Variants in PRDM15 observed in about 807,000 individuals in gnomAD.
PRDM15 encodes the protein PR domain zinc finger protein 15.
Under a neutral mutation model 128.6 loss-of-function variants are expected in PRDM15, and 64 were observed. That is an observed-to-expected ratio of 0.50 (90% CI 0.41 to 0.61). PRDM15 has a LOEUF of 0.61. Ranked by LOEUF, PRDM15 falls within the 20% of genes least tolerant of loss-of-function variation. The pLI, the probability that PRDM15 is intolerant of heterozygous loss-of-function variation, is 0.00. For synonymous variants in PRDM15, 615 were observed against 621.8 expected, an observed-to-expected ratio of 0.99 and a Z score of 0.16; for missense variants, 1,242 against 1,569.1, an observed-to-expected ratio of 0.79 and a Z score of 3.52.
intron 21 of PRDM15, among the ~76,000 whole-genome samples, chr21:41,809,226 A>C (rs112120203): frequency 6.9e-6 from 1 of 145,094 alleles, no homozygotes; most frequent in East Asian, 2.0e-4. Context: ...GGCCTATGCA[A>C]ATTTTTTCTT....
At chr21:41,840,292 A>T (rs952514253) in intron 6 of PRDM15, among the ~76,000 whole-genome samples, 5 of 152,036 alleles carry the variant, frequency 3.3e-5, no homozygotes, top group Admixed American at 2.6e-4. Context: ...TAAAAATACA[A>T]AAAGTTAGCC....
chr21:41,810,162 G>T lies in PRDM15; in HGVS notation c.2644C>A (p.His882Asn). 1 of 1,607,648 alleles carries T rather than the reference G, an allele frequency of 6.2e-7. No homozygotes were observed. The highest frequency in any genetic ancestry group is 8.5e-7 in the Non-Finnish European group (1 of 1,178,056). ...CACAGCCACCAGCTCACCTCGGGGT[G>T]CTTGCGCCGCATGTGTCGGCTCATG... Reference protein sequence around the residue: ...ASMSRHMRRKHPEVLAVRIDD... With the variant: ...ASMSRHMRRKNPEVLAVRIDD... The change falls in exon 21 of 24, where the codon CAC becomes AAC. Residue 882 changes from histidine to asparagine, a missense_variant. Coordinates refer to ENST00000398548, the MANE Select transcript of PRDM15 (RefSeq NM_001040424.3). This position sits in a 1 kb window ranked among gnomAD's most constrained non-coding sequence, Gnocchi z 6.4.
rs1051782290 is a variant in PRDM15, at chr21:41,823,622, C to T, written c.1630-173G>A. ...GAGAGACACAAATAATCACTGATGC[C>T]GGAATAAGGGTTACTTGCTGAATTG... is the stretch of plus-strand genomic sequence containing the variant. On this transcript the variant is annotated intron_variant, in intron 13 of 23. Transcript: ENST00000398548. 4.6e-5 allele frequency among the ~76,000 whole-genome samples: 7 copies of T among 152,258 alleles called. No individual in the cohort carries two copies. The East Asian group carries it at 1.2e-3, about 25-fold the overall frequency.
At chr21:41,834,280 C>T (rs1414987583) in intron 11 of PRDM15, among the ~76,000 whole-genome samples, 2 of 152,170 alleles carry the variant, frequency 1.3e-5, no homozygotes, top group African/African-American at 4.8e-5. Context: ...GTAGAACTAG[C>T]CAACCCCACC....
In PRDM15 at chr21:41,854,948, T is replaced by TA; in HGVS notation, c.286-131dup. ...ACGTCAGAGGCCATAAGGGCTCCTG[T>TA]ACGGGATGTTGAGGTGTTTACAATA... On this transcript the variant is annotated intron_variant, in intron 4 of 23. Transcript: ENST00000398548. The surrounding 1 kb of genome is among the most constrained non-coding windows in gnomAD (Gnocchi z 4.6). 9.7e-7 allele frequency: 1 copy of TA among 1,027,250 alleles called. No individual in the cohort carries two copies. Among genetic ancestry groups the TA allele is most frequent in the Non-Finnish European group, 1.4e-6 (1 of 721,764 alleles). The allele number at this position is 1,027,250 out of a possible 1,614,324, so 63.6% of individuals were successfully genotyped here.
chr21:41,860,470 T>TA (rs772803626), intron 1 of PRDM15, 98 bp from the exon 2 acceptor site: 19 of 1,003,792 alleles, frequency 1.9e-5, no homozygotes, highest in East Asian at 9.8e-5. Flanking sequence ...CCAGGATAGA[T>TA]AGAGTACAGT....
chr21:41,879,079 C>T lies in PRDM15; in HGVS notation c.-10+191G>A, dbSNP rs1253143261. 1 of 1,131,886 alleles carries T rather than the reference C, an allele frequency of 8.8e-7. No homozygotes were observed. Among genetic ancestry groups the T allele is most frequent in the Non-Finnish European group, 1.1e-6 (1 of 898,068 alleles). 70.1% of individuals were successfully genotyped at this position (1,131,886 alleles called of 1,614,324 possible). ...TTTTGACTCCGATCGCCAACGGTGC[C>T]CGCAGCCGGCGAATGTAACAAAGAA... On this transcript the variant is annotated intron_variant, in intron 1 of 23. Coordinates refer to ENST00000398548, the MANE Select transcript of PRDM15 (RefSeq NM_001040424.3). This position sits in a 1 kb window ranked among gnomAD's most constrained non-coding sequence, Gnocchi z 5.1.
At chr21:41,829,240 TAC>T (rs2062595984) in intron 11 of PRDM15, among the ~76,000 whole-genome samples, 1 of 111,612 alleles carries the variant, frequency 9.0e-6, no homozygotes, top group African/African-American at 3.6e-5. Flanking sequence ...ACTATGCAAA[TAC>T]ATACACACCC....
chr21:41,827,619 G>A (rs2062515667), intron 12 of PRDM15, among the ~76,000 whole-genome samples: 1 of 152,162 alleles, frequency 6.6e-6, no homozygotes, highest in South Asian at 2.1e-4. Flanking sequence ...TGGGATTCCA[G>A]GCGTGAGCCA....
At chr21:41,835,323 GCTGT>G (rs1276720838) in intron 11 of PRDM15, 110 bp downstream of exon 11, 1 of 833,758 alleles carries the variant, frequency 1.2e-6, no homozygotes, top group East Asian at 2.5e-5. Flanking sequence ...TAAAAGTGAG[GCTGT>G]CTATTCATGA....
At chr21:41,870,208 C>A (rs1380604687) in intron 1 of PRDM15, among the ~76,000 whole-genome samples, 3 of 152,090 alleles carry the variant, frequency 2.0e-5, no homozygotes, top group East Asian at 3.9e-4. Flanking sequence ...ATCCAGTACA[C>A]CCAAAATATT....
intron 21 of PRDM15, among the ~76,000 whole-genome samples, chr21:41,809,483 T>C (rs1176037990): frequency 6.6e-6 from 1 of 152,140 alleles, no homozygotes; most frequent in Non-Finnish European, 1.5e-5. Flanking sequence ...CACTCGCCTC[T>C]GCCTCCCAAA....
intron 18 of PRDM15, among the ~76,000 whole-genome samples, chr21:41,816,228 C>T (rs1416293110): frequency 2.6e-5 from 4 of 152,112 alleles, no homozygotes; most frequent in East Asian, 3.9e-4. Context: ...GATTGGGATT[C>T]GGACGCGAGA....
intron 5 of PRDM15, among the ~76,000 whole-genome samples, chr21:41,848,845 T>C (rs2063345024): frequency 6.6e-6 from 1 of 152,224 alleles, no homozygotes; most frequent in African/African-American, 2.4e-5. Context: ...GTTTTCCGAA[T>C]AGTAATTGTA....
At chr21:41,876,483 C>A (rs1296045078) in intron 1 of PRDM15, among the ~76,000 whole-genome samples, 3 of 152,186 alleles carry the variant, frequency 2.0e-5, no homozygotes, top group Admixed American at 6.5e-5. Flanking sequence ...ACCATGAACA[C>A]CGCTGGTGTA....
rs575235713 is a variant in PRDM15, at chr21:41,867,277, C to T, written c.-9-6905G>A. 13 of 1,592,884 alleles carry T rather than the reference C, an allele frequency of 8.2e-6. No individual in the cohort carries two copies. In the East Asian group the frequency reaches 2.9e-4, roughly 36 times the overall value. ...AACACCAAAAGGAGTTAAGATGCAA[C>T]TCCTTTCTACTCTAGCCCTGACCTC... On this transcript the variant is annotated intron_variant, in intron 1 of 23. Transcript: ENST00000398548.
Position 41,800,978 on chromosome 21 carries a change from C to T in PRDM15, c.*262G>A, listed in dbSNP as rs2061400693. Reference sequence around the variant, plus strand: ...TCTGTAAGGGGAGGCAGATGCGGCCCCGGCCCAGGACTTACTGCCTTGGTA... The same window carrying T: ...TCTGTAAGGGGAGGCAGATGCGGCCTCGGCCCAGGACTTACTGCCTTGGTA... On this transcript the variant is annotated 3_prime_UTR_variant, in exon 24 of 24. Transcript: ENST00000398548. 5.0e-6 allele frequency: 2 copies of T among 400,438 alleles called. No individual in the cohort carries two copies. Among genetic ancestry groups the T allele is most frequent in the Non-Finnish European group, 4.4e-6 (1 of 228,768 alleles). 24.8% of individuals were successfully genotyped at this position (400,438 alleles called of 1,614,324 possible).
At chr21:41,836,312 C>A in intron 9 of PRDM15, 105 bp from the exon 10 acceptor site, 2 of 1,308,950 alleles carry the variant, frequency 1.5e-6, no homozygotes, top group Non-Finnish European at 2.2e-6. Context: ...TCCCACCATG[C>A]GAAGGAGCTG....
chr21:41,803,770 T>TA (rs1170450784), intron 22 of PRDM15, among the ~76,000 whole-genome samples: 2 of 152,132 alleles, frequency 1.3e-5, no homozygotes, highest in African/African-American at 4.8e-5. Context: ...GACTGCACTC[T>TA]AAAGCGCTGT....
Sources: allele counts gnomAD v4.1 joint callset (sites outside exome capture counted in the v4.1 genomes callset), GRCh38; gene constraint gnomAD v4.1.1; non-coding constraint Gnocchi (gnomAD v3.1); transcripts MANE v1.5; gene names NCBI Gene and HGNC (gene_info 2026-07-23, HGNC 2026-07-21).